The following DNAJC10 variants were observed in gnomAD, a reference collection of about 807,000 sequenced individuals.
DNAJC10 encodes the protein endoplasmic reticulum disulfide reductase DNAJC10.
In DNAJC10, 101 loss-of-function variants were observed where a neutral mutation model predicts 115.0. The ratio of observed to expected loss-of-function variants is 0.88; its 90% CI spans 0.75 to 1.04. DNAJC10 has a LOEUF of 1.04. DNAJC10 is among the 50% of genes least tolerant of loss of function. The pLI is 0.00. For missense variants in DNAJC10, 981 were observed against 928.8 expected (o/e 1.06, Z -0.73); for synonymous variants, 307 against 301.5 (o/e 1.02, Z -0.19).
intron 19 of DNAJC10, among the ~76,000 whole-genome samples, chr2:182,758,423 G>A (rs1694210648): frequency 1.3e-5 from 2 of 152,166 alleles, no homozygotes; most frequent in Admixed American, 6.5e-5. Flanking sequence ...TTTCAAGAGA[G>A]GAAAGGGTCA....
Position 182,779,871 on chromosome 2 carries a change from G to A in DNAJC10, c.*2739G>A, listed in dbSNP as rs1694804110. The A allele has an allele frequency of 6.6e-6, 1 of 152,074 alleles. No homozygotes were observed. Among genetic ancestry groups the A allele is most frequent in the Non-Finnish European group, 1.5e-5 (1 of 68,024 alleles). The allele number at this position is 152,074 out of a possible 1,614,324, so 9.4% of individuals were successfully genotyped here. A position where few individuals can be genotyped will look rare whatever the true frequency, so the allele number is the denominator to read the frequency against. ...GTACGATAAAATTTTTAGTAAAAGGGTAGCACTTTTAAGTCATTTGAATAG... is the reference window on the plus strand; with the variant it reads ...GTACGATAAAATTTTTAGTAAAAGGATAGCACTTTTAAGTCATTTGAATAG... On this transcript the variant is annotated 3_prime_UTR_variant, in exon 24 of 24. Coordinates refer to ENST00000264065, the MANE Select transcript of DNAJC10 (RefSeq NM_018981.4).
intron 22 of DNAJC10, among the ~76,000 whole-genome samples, chr2:182,765,255 A>G (rs1290720717): frequency 2.0e-5 from 3 of 152,172 alleles, no homozygotes; most frequent in African/African-American, 7.2e-5. Flanking sequence ...TTACTAGACA[A>G]TAAAATCAAG....
At chr2:182,750,235 C>A (rs182321738) in intron 14 of DNAJC10, among the ~76,000 whole-genome samples, 178 of 152,166 alleles carry the variant, frequency 1.2e-3, no homozygotes, top group African/African-American at 3.9e-3. Flanking sequence ...TGTAAGTGGA[C>A]TGTGGTAGCA....
At chr2:182,727,516 C>T (rs1693321294) in intron 5 of DNAJC10, among the ~76,000 whole-genome samples, 1 of 152,114 alleles carries the variant, frequency 6.6e-6, no homozygotes. Context: ...TGGTCATTTG[C>T]CAGACTTTGA....
chr2:182,743,633 C>G lies in DNAJC10; in HGVS notation c.1227C>G (p.Ile409Met). ...TTGACTGTTCCTCTGCACCAGACAT[C>G]TGTAGTAATCTGTATGTTTTTCAGC... ...GRFDCSSAPD[I>M]CSNLYVFQPS... is the part of the protein sequence containing the mutation. Residue 409 changes from isoleucine (I) to methionine (M), a missense_variant, in exon 14 of 24, where the codon ATC becomes ATG. Coordinates refer to ENST00000264065, the MANE Select transcript of DNAJC10 (RefSeq NM_018981.4). 1 of 1,613,518 alleles carries G rather than the reference C, an allele frequency of 6.2e-7. No homozygotes were observed. The highest frequency in any genetic ancestry group is 1.3e-5 in the African/African-American group (1 of 74,930).
intron 11 of DNAJC10, chr2:182,739,571 C>CCG (rs2105642524): frequency 1.6e-6 from 2 of 1,220,676 alleles, no homozygotes; most frequent in Non-Finnish European, 2.1e-6. Context: ...ATCAGACCAG[C>CCG]AGAGAGAGAG....
intron 22 of DNAJC10, among the ~76,000 whole-genome samples, chr2:182,772,087 C>G (rs1694578970): frequency 6.6e-6 from 1 of 152,200 alleles, no homozygotes; most frequent in Admixed American, 6.5e-5. Flanking sequence ...ACCCAGTAGT[C>G]ATTCAGGAGT....
At position 182,789,271 on chromosome 2, in the gene DNAJC10, G is replaced by T. The variant is rs901159077; in HGVS notation, c.*12139G>T. The T allele has an allele frequency of 1.9e-5, 3 of 157,266 alleles. No homozygotes were observed. The highest frequency in any genetic ancestry group is 4.2e-5 in the Non-Finnish European group (3 of 71,874). The allele number at this position is 157,266 out of a possible 1,614,324, so 9.7% of individuals were successfully genotyped here. A position where few individuals can be genotyped will look rare whatever the true frequency, so the allele number is the denominator to read the frequency against. On this transcript the variant is annotated 3_prime_UTR_variant, in exon 24 of 24. Coordinates refer to ENST00000264065, the MANE Select transcript of DNAJC10 (RefSeq NM_018981.4). Reference sequence around the variant, plus strand: ...GAGTCTTACTCTGTCCCCCTGGCTGGAGTGCAGTGGTGTGATCTCAGCTCA... The same window carrying T: ...GAGTCTTACTCTGTCCCCCTGGCTGTAGTGCAGTGGTGTGATCTCAGCTCA...
chr2:182,726,853 TC>T (rs1477385426), intron 5 of DNAJC10, among the ~76,000 whole-genome samples: 1 of 152,064 alleles, frequency 6.6e-6, no homozygotes, highest in Non-Finnish European at 1.5e-5. Flanking sequence ...TGCCTCAGTC[TC>T]CCGACTAGCT....
rs560404941 is a variant in DNAJC10, at chr2:182,732,368, A to G, written c.806-131A>G. ...TGTGTGTGTGTAGAAGGATTTCCAT[A>G]TCTATCAATAGAGTCCAGCTCAATT... On this transcript the variant is annotated intron_variant, in intron 9 of 23. Coordinates refer to ENST00000264065, the MANE Select transcript of DNAJC10 (RefSeq NM_018981.4). The G allele has an allele frequency of 2.9e-4, 232 of 798,406 alleles. 1 individual carries two copies. The African/African-American group carries it at 3.6e-3, about 12-fold the overall frequency. The allele number at this position is 798,406 out of a possible 1,614,324, so 49.5% of individuals were successfully genotyped here.
chr2:182,743,815 T>C (rs1004769531), intron 14 of DNAJC10, 103 bp downstream of exon 14: 10 of 749,088 alleles, frequency 1.3e-5, no homozygotes, highest in Admixed American at 2.7e-5. Context: ...ATGCTTATTG[T>C]AAATAACTTT....
chr2:182,740,101 C>A, intron 11 of DNAJC10, 198 bp from the exon 12 acceptor site: 2 of 1,082,640 alleles, frequency 1.8e-6, no homozygotes, highest in South Asian at 2.9e-5. Context: ...ATTTAAGAAA[C>A]AGCTTAGTTA....
At chr2:182,720,894 C>T (rs16823703) in intron 4 of DNAJC10, among the ~76,000 whole-genome samples, 4,143 of 152,126 alleles carry the variant, frequency 0.027, 76 homozygotes, top group East Asian at 0.1. Context: ...ATATGGAACC[C>T]TTACTGATTT....
rs769764813 is a variant in DNAJC10 at position 182,756,414 on chromosome 2, C to T, written c.1754C>T (p.Ser585Phe). 6.2e-7 allele frequency: 1 copy of T among 1,613,950 alleles called. No individual in the cohort carries two copies. The highest frequency in any genetic ancestry group is 8.5e-7 in the Non-Finnish European group (1 of 1,179,950). The change falls in exon 18 of 24, where the codon TCT becomes TTT. Residue 585 changes from serine (S) to phenylalanine (F), a missense_variant. Physicochemically the swap from Ser to Phe is radical, Grantham distance 155. Coordinates refer to ENST00000264065, the MANE Select transcript of DNAJC10 (RefSeq NM_018981.4). ...GAAGTCTGGATGGTTGATTTCTATT[C>T]TCCGTGGTGTCATCCTTGCCAAGTC... is the stretch of plus-strand genomic sequence containing the variant. The part of the protein sequence containing the change: ...HNEVWMVDFY[S>F]PWCHPCQVLM...
chr2:182,722,422 A>G (rs528238500), intron 5 of DNAJC10, among the ~76,000 whole-genome samples: 1 of 152,300 alleles, frequency 6.6e-6, no homozygotes, highest in South Asian at 2.1e-4. Flanking sequence ...TTATTTTGGA[A>G]GTAGATTTAA....
In DNAJC10 at chr2:182,792,206, T is replaced by A. The variant is rs1245951306; in HGVS notation, c.*15074T>A. ...TGCTTGCATACCATCAGTGAACAAT[T>A]ATTTTTTTATCTCCATGCTATAATC... On this transcript the variant is annotated 3_prime_UTR_variant, in exon 24 of 24. Transcript: ENST00000264065. 4 of 152,228 alleles carry A rather than the reference T, an allele frequency of 2.6e-5. No individual in the cohort carries two copies. The highest frequency in any genetic ancestry group is 5.9e-5 in the Non-Finnish European group (4 of 68,028). The allele number at this position is 152,228 out of a possible 1,614,324, so 9.4% of individuals were successfully genotyped here.
intron 14 of DNAJC10, among the ~76,000 whole-genome samples, chr2:182,744,304 A>T (rs532263975): frequency 6.6e-6 from 1 of 152,306 alleles, no homozygotes; most frequent in East Asian, 1.9e-4. Flanking sequence ...ACAGATACCG[A>T]TGAAATGCCC....
At chr2:182,735,211 T>G (rs978573877) in intron 10 of DNAJC10, among the ~76,000 whole-genome samples, 1 of 151,818 alleles carries the variant, frequency 6.6e-6, no homozygotes, top group African/African-American at 2.4e-5. Flanking sequence ...ATTTAATGGG[T>G]ACCCTAGAAA....
At position 182,736,301 on chromosome 2, in the gene DNAJC10, G is replaced by T. The variant is rs1693583539; in HGVS notation, c.902G>T (p.Cys301Phe). The T allele has an allele frequency of 6.3e-7, 1 of 1,594,970 alleles. No individual in the cohort carries two copies. The highest frequency in any genetic ancestry group is 1.8e-5 in the Admixed American group (1 of 56,240). ...GACTGTGCCACCCAGGATAACCTTT[G>T]TAAAAGCTTAGATATTACAACAAGT... Reference protein sequence around the residue: ...WMDCATQDNLCKSLDITTSTT... With the variant: ...WMDCATQDNLFKSLDITTSTT... The change falls in exon 11 of 24, where the codon TGT (cysteine) becomes TTT (phenylalanine). Residue 301 changes from cysteine (C) to phenylalanine (F), a missense_variant. Coordinates refer to ENST00000264065, the MANE Select transcript of DNAJC10 (RefSeq NM_018981.4).
Sources: allele counts gnomAD v4.1 joint callset (sites outside exome capture counted in the v4.1 genomes callset), GRCh38; gene constraint gnomAD v4.1.1; transcripts MANE v1.5; gene names NCBI Gene and HGNC (gene_info 2026-07-23, HGNC 2026-07-21).